ADGRG4: variants seen among roughly 807,000 people sequenced by gnomAD.
ADGRG4 encodes the protein adhesion G protein-coupled receptor G4, also known as G protein-coupled receptor 112.
In ADGRG4, 122 loss-of-function variants were observed where a neutral mutation model predicts 126.2. The ratio of observed to expected loss-of-function variants is 0.97; its 90% confidence interval spans 0.83 to 1.12. ADGRG4 has a LOEUF of 1.12. Among genes scored for constraint, ADGRG4 ranks in the 50% most tolerant of loss-of-function variants. ADGRG4 has a pLI of 0.00. For missense variants in ADGRG4, 2,481 were observed against 2,251.8 expected, an observed-to-expected ratio of 1.10 and a Z score of -2.06; for synonymous variants, 943 against 838.7, an observed-to-expected ratio of 1.12 and a Z score of -2.15.
intron 15 of ADGRG4, among the ~76,000 whole-genome samples, chrX:136,385,339 A>C (rs1215912145): frequency 8.9e-6 from 1 of 111,963 alleles, no homozygotes; most frequent in Non-Finnish European, 1.9e-5. Flanking sequence ...TTGCTTCACT[A>C]TAGTAACCTT....
intron 4 of ADGRG4, among the ~76,000 whole-genome samples, chrX:136,318,293 T>C (rs2074817812): frequency 8.9e-6 from 1 of 111,897 alleles, no homozygotes; most frequent in Non-Finnish European, 1.9e-5. Flanking sequence ...AGGACACATA[T>C]TGTCTAACTC....
At chrX:136,412,922 G>T (rs2075453916) in intron 24 of ADGRG4, among the ~76,000 whole-genome samples, 1 of 111,456 alleles carries the variant, frequency 9.0e-6, no homozygotes, top group South Asian at 3.8e-4. Context: ...GTATCAAAAG[G>T]ATCTTCCATT....
intron 23 of ADGRG4, among the ~76,000 whole-genome samples, chrX:136,409,509 G>A (rs2075434593): frequency 8.9e-6 from 1 of 111,761 alleles, no homozygotes; most frequent in African/African-American, 3.3e-5. Context: ...GAGGAGTTTT[G>A]CCTGCTCTGA....
Position 136,356,111 on chromosome X carries a change from A to T in ADGRG4, c.6888-15A>T, listed in dbSNP as rs1169791581. On this transcript the variant is annotated splice_polypyrimidine_tract_variant and intron_variant, in intron 8 of 25. Coordinates refer to ENST00000394143, the MANE Select transcript of ADGRG4 (RefSeq NM_153834.4). ...TATTTCATTTTCCTATAATTTTGTAATGCTTTTGATACAGGGACATTTCAG... is the reference window on the plus strand; with the variant it reads ...TATTTCATTTTCCTATAATTTTGTATTGCTTTTGATACAGGGACATTTCAG... 1 of 1,163,535 alleles carries T rather than the reference A, an allele frequency of 8.6e-7. No homozygotes were observed. Among genetic ancestry groups the T allele is most frequent in the Non-Finnish European group, 1.2e-6 (1 of 856,183 alleles).
chrX:136,365,219 A>T (rs774179425), intron 13 of ADGRG4, among the ~76,000 whole-genome samples: 12 of 111,617 alleles, frequency 1.1e-4, no homozygotes, highest in Non-Finnish European at 1.3e-4. Context: ...TGCAACCATC[A>T]TCACTAATTC....
chrX:136,397,845 G>T, intron 19 of ADGRG4, 36 bp from the exon 20 acceptor site: 1 of 1,187,971 alleles, frequency 8.4e-7, no homozygotes, highest in Non-Finnish European at 1.1e-6. Context: ...ACTTGCTCTG[G>T]TGTATGTGTA....
rs752618005 is a variant in ADGRG4 at position 136,349,262 on chromosome X, C to A, written c.5556C>A (p.Thr1852=). The A allele has an allele frequency of 3.3e-6, 4 of 1,200,425 alleles. No homozygotes were observed. The Admixed American group carries it at 8.7e-5, about 26-fold the overall frequency. The change falls in exon 6 of 26, where the codon ACC becomes ACA. Residue 1852 remains threonine, a synonymous_variant. Transcript: ENST00000394143. ...STEAEISTPK[T]SPPPTSQMVE... ...AAGCTGAGATCTCTACTCCAAAGACCTCTCCTCCTCCCACATCCCAAATGG... is the reference window on the plus strand; with the variant it reads ...AAGCTGAGATCTCTACTCCAAAGACATCTCCTCCTCCCACATCCCAAATGG...
rs73637923 is a variant in ADGRG4, at chrX:136,406,521, A to G, written c.8935+549A>G. 7.8e-3 allele frequency among the ~76,000 whole-genome samples: 880 copies of G among 112,421 alleles called. 10 individuals carry two copies. The highest frequency in any genetic ancestry group is 0.027 in the African/African-American group (845 of 30,981). ...TGGTTGAATTAGATGATCCTAAGCT[A>G]AAGGCCCTAGAGCTCTTTTAATTAT... On this transcript the variant is annotated intron_variant, in intron 23 of 25. Transcript: ENST00000394143.
At chrX:136,407,805 G>A (rs2075423314) in intron 23 of ADGRG4, among the ~76,000 whole-genome samples, 1 of 112,030 alleles carries the variant, frequency 8.9e-6, no homozygotes, top group Admixed American at 9.5e-5. Flanking sequence ...AGAACTGAAG[G>A]TTGTATTCTA....
At chrX:136,330,754 T>C (rs925094403) in intron 5 of ADGRG4, among the ~76,000 whole-genome samples, 1 of 111,744 alleles carries the variant, frequency 8.9e-6, no homozygotes, top group Non-Finnish European at 1.9e-5. Context: ...TATGAGATGT[T>C]TTGATACAGG....
intron 4 of ADGRG4, among the ~76,000 whole-genome samples, chrX:136,309,732 G>A (rs181743957): frequency 2.7e-5 from 3 of 111,596 alleles, no homozygotes; most frequent in Non-Finnish European, 5.6e-5. Context: ...TGGGGCCTAC[G>A]GGGTACAGTG....
In ADGRG4 at chrX:136,346,802, C is replaced by T. The variant is rs761992091; in HGVS notation, c.3096C>T (p.Thr1032=). The T allele has an allele frequency of 3.3e-6, 4 of 1,211,359 alleles. No individual in the cohort carries two copies. The East Asian group carries it at 1.2e-4, about 36-fold the overall frequency. Residue 1032 remains threonine (T), a synonymous_variant, in exon 6 of 26, where the codon ACC becomes ACT. Coordinates refer to ENST00000394143, the MANE Select transcript of ADGRG4 (RefSeq NM_153834.4). ...SSVVAEETEV[T]MSEPSTLARA... ...TGGTGGCTGAGGAGACTGAGGTTAC[C>T]ATGTCTGAGCCTTCTACACTGGCCA... is the stretch of plus-strand genomic sequence containing the variant.
intron 15 of ADGRG4, among the ~76,000 whole-genome samples, chrX:136,381,755 A>G (rs913800138): frequency 3.6e-5 from 4 of 110,940 alleles, no homozygotes; most frequent in Non-Finnish European, 7.5e-5. Flanking sequence ...ACATGATCAC[A>G]AGGTCCCACA....
chrX:136,359,440 G>C lies in ADGRG4; in HGVS notation c.7129G>C (p.Ala2377Pro). 1.7e-6 allele frequency: 2 copies of C among 1,196,764 alleles called. No homozygotes were observed. The highest frequency in any genetic ancestry group is 2.2e-6 in the Non-Finnish European group (2 of 889,309). Reference protein sequence around the residue: ...LTLLVNCEHVAVKKLEPGNCK... With the variant: ...LTLLVNCEHVPVKKLEPGNCK... ...GTTATTAGTAAACTGTGAACACGTT[G>C]CAGTGAAAAAACTAGGTAATTTTTT... The change falls in exon 11 of 26, where the codon GCA becomes CCA. Residue 2377 changes from alanine to proline, a missense_variant. Coordinates refer to ENST00000394143, the MANE Select transcript of ADGRG4 (RefSeq NM_153834.4).
chrX:136,397,052 G>A (rs1266989816), intron 19 of ADGRG4, among the ~76,000 whole-genome samples: 2 of 110,893 alleles, frequency 1.8e-5, no homozygotes, highest in African/African-American at 6.6e-5. Flanking sequence ...GCCTCCCAAG[G>A]TGCTGAGATT....
At chrX:136,360,984 T>A (rs2075124700) in intron 11 of ADGRG4, among the ~76,000 whole-genome samples, 1 of 110,925 alleles carries the variant, frequency 9.0e-6, no homozygotes, top group African/African-American at 3.3e-5. Flanking sequence ...TGGCTTGAAA[T>A]TTTTCAATTC....
chrX:136,314,995 T>C (rs1457741106), intron 4 of ADGRG4, among the ~76,000 whole-genome samples: 4 of 111,709 alleles, frequency 3.6e-5, no homozygotes, highest in Non-Finnish European at 5.6e-5. Context: ...TGCCAAGAAC[T>C]CTTGGCAGGC....
intron 16 of ADGRG4, among the ~76,000 whole-genome samples, chrX:136,389,985 T>C (rs1197027742): frequency 8.9e-6 from 1 of 112,356 alleles, no homozygotes; most frequent in Non-Finnish European, 1.9e-5. Context: ...CGCACTACTT[T>C]CTCTAATATT....
Position 136,345,983 on chromosome X carries a change from A to T in ADGRG4, c.2277A>T (p.Leu759Phe). Reference protein sequence around the residue: ...TNMPEFKLTTLLLKTIPMSTK... With the variant: ...TNMPEFKLTTFLLKTIPMSTK... ...TGCCTGAATTTAAACTTACCACTTT[A>T]CTACTAAAAACAATACCTATGTCTA... The change falls in exon 6 of 26, where the codon TTA (leucine) becomes TTT (phenylalanine). Residue 759 changes from leucine (L) to phenylalanine (F), a missense_variant. Transcript: ENST00000394143. The T allele has an allele frequency of 8.3e-7, 1 of 1,208,697 alleles. No individual in the cohort carries two copies. Among genetic ancestry groups the T allele is most frequent in the South Asian group, 1.8e-5 (1 of 56,510 alleles).
Sources: allele counts gnomAD v4.1 joint callset (sites outside exome capture counted in the v4.1 genomes callset), GRCh38; gene constraint gnomAD v4.1.1; transcripts MANE v1.5; gene names NCBI Gene and HGNC (gene_info 2026-07-23, HGNC 2026-07-21).